CDH13: variants seen among roughly 807,000 people sequenced by gnomAD.
CDH13 encodes the protein cadherin 13.
A neutral mutation model predicts 63.8 loss-of-function variants in CDH13; 24 were observed. The observed-to-expected ratio is 0.38, with a 90% CI of 0.27 to 0.53. The LOEUF (loss-of-function observed/expected upper bound fraction) is 0.53, where lower values mean the gene tolerates loss of function less well. CDH13 is among the 20% of genes least tolerant of loss of function. The pLI is 0.85. For synonymous variants in CDH13, 503 were observed against 355.3 expected (o/e 1.42, Z -4.67); for missense variants, 1,049 against 903.1 (o/e 1.16, Z -2.07).
At chr16:83,681,653 TCAC>T (rs1456545205) in intron 10 of CDH13, among the ~76,000 whole-genome samples, 1 of 152,036 alleles carries the variant, frequency 6.6e-6, no homozygotes, top group African/African-American at 2.4e-5. Flanking sequence ...CGGGATAACA[TCAC>T]CGACAGGTTG....
intron 1 of CDH13, among the ~76,000 whole-genome samples, chr16:82,838,554 C>T (rs1378197762): frequency 1.3e-5 from 2 of 152,154 alleles, no homozygotes; most frequent in Admixed American, 1.3e-4. Context: ...ATAGTAATAT[C>T]ATGAAGATGC....
At chr16:82,875,756 C>G (rs2040484924) in intron 2 of CDH13, among the ~76,000 whole-genome samples, 1 of 152,108 alleles carries the variant, frequency 6.6e-6, no homozygotes, top group African/African-American at 2.4e-5. Flanking sequence ...ATTCGAGAAA[C>G]TAGCTATTTG....
In CDH13 at chr16:82,858,542, T is replaced by G. The variant is rs771017937; in HGVS notation, c.157+69T>G. 5 of 950,956 alleles carry G rather than the reference T, an allele frequency of 5.3e-6. No individual in the cohort carries two copies. In the Admixed American group the frequency reaches 7.1e-5, roughly 14 times the overall value. The allele number at this position is 950,956 out of a possible 1,614,324, so 58.9% of individuals were successfully genotyped here. A position where few individuals can be genotyped will look rare whatever the true frequency, so the allele number is the denominator to read the frequency against. On this transcript the variant is annotated intron_variant, in intron 2 of 13. Coordinates refer to ENST00000567109, the MANE Select transcript of CDH13 (RefSeq NM_001257.5). Reference sequence around the variant, plus strand: ...TTGAATTTACTAATGTTTATGACTGTGTCTCAGGATGTGGTATTTCCTAAA... The same window carrying G: ...TTGAATTTACTAATGTTTATGACTGGGTCTCAGGATGTGGTATTTCCTAAA...
chr16:83,303,076 G>A lies in CDH13; in HGVS notation c.637-41786G>A, dbSNP rs529918451. On this transcript the variant is annotated intron_variant, in intron 5 of 13. Coordinates refer to ENST00000567109, the MANE Select transcript of CDH13 (RefSeq NM_001257.5). ...AGCAATTGCCCACATGATGGCATCA[G>A]AGAGACAAGGGGCATCTCTTTTATC... 3.9e-5 allele frequency among the ~76,000 whole-genome samples: 6 copies of A among 152,312 alleles called. No individual in the cohort carries two copies. In the South Asian group the frequency reaches 1.2e-3, roughly 32 times the overall value.
chr16:82,914,921 T>C (rs1057143867), intron 2 of CDH13, among the ~76,000 whole-genome samples: 10 of 152,220 alleles, frequency 6.6e-5, no homozygotes, highest in African/African-American at 2.4e-4. Context: ...GGAAGTCTGA[T>C]TTTAATCCTC....
At chr16:83,769,028 C>T (rs1914590395) in intron 11 of CDH13, among the ~76,000 whole-genome samples, 1 of 152,124 alleles carries the variant, frequency 6.6e-6, no homozygotes, top group East Asian at 1.9e-4. Context: ...CACAGGGTCA[C>T]AGAACGAGAA....
chr16:82,921,109 C>T (rs899671722), intron 2 of CDH13, among the ~76,000 whole-genome samples: 1 of 152,110 alleles, frequency 6.6e-6, no homozygotes, highest in Non-Finnish European at 1.5e-5. Flanking sequence ...TTGAGGTGTA[C>T]AATCCTTTTG....
chr16:83,759,936 TAA>T (rs11329988), intron 11 of CDH13, among the ~76,000 whole-genome samples: 2,128 of 133,348 alleles, frequency 0.016, 41 homozygotes, highest in African/African-American at 0.052. Context: ...TCAAAACCAA[TAA>T]AAAAAAAAAA....
chr16:82,806,816 C>G (rs978453103), intron 1 of CDH13, among the ~76,000 whole-genome samples: 13 of 152,012 alleles, frequency 8.6e-5, no homozygotes, highest in African/African-American at 3.1e-4. Flanking sequence ...CACAGAGAAA[C>G]AAGGCTTTCA....
intron 3 of CDH13, among the ~76,000 whole-genome samples, chr16:83,104,884 C>A (rs1442104363): frequency 6.6e-6 from 1 of 152,142 alleles, no homozygotes; most frequent in African/African-American, 2.4e-5. Context: ...CCAAATCGAT[C>A]GAGTTCTGGC....
chr16:83,103,086 G>A (rs2034578681), intron 3 of CDH13, among the ~76,000 whole-genome samples: 4 of 150,428 alleles, frequency 2.7e-5, no homozygotes, highest in South Asian at 4.2e-4. Context: ...CGAAGTAGCT[G>A]GGATTACAGG....
chr16:82,876,983 C>T (rs775520132), intron 2 of CDH13, among the ~76,000 whole-genome samples: 31 of 152,162 alleles, frequency 2.0e-4, no homozygotes, highest in Non-Finnish European at 2.8e-4. Context: ...ATATACTATA[C>T]AGTAAATACA....
chr16:82,846,316 C>T (rs1339856245), intron 1 of CDH13, among the ~76,000 whole-genome samples: 1 of 151,816 alleles, frequency 6.6e-6, no homozygotes, highest in African/African-American at 2.4e-5. Context: ...TATACATACC[C>T]TCTATATTAA....
intron 2 of CDH13, among the ~76,000 whole-genome samples, chr16:82,929,604 G>A (rs1038576530): frequency 5.4e-5 from 7 of 128,658 alleles, no homozygotes; most frequent in African/African-American, 1.2e-4. Flanking sequence ...GTGAGCAAAC[G>A]TCACGCCACT....
intron 7 of CDH13, among the ~76,000 whole-genome samples, chr16:83,553,047 G>C (rs4558402): frequency 1 from 150,734 of 150,892 alleles, 75,288 homozygotes; most frequent in Middle Eastern, 1. Context: ...TCACTGCACC[G>C]TAGCCTGGGC....
At chr16:83,099,779 G>C (rs996359167) in intron 3 of CDH13, among the ~76,000 whole-genome samples, 4 of 151,924 alleles carry the variant, frequency 2.6e-5, no homozygotes, top group African/African-American at 9.7e-5. Flanking sequence ...AAACCAAAAG[G>C]CTGTTTTGAG....
chr16:83,355,649 C>G (rs2091037019), intron 6 of CDH13, among the ~76,000 whole-genome samples: 1 of 152,058 alleles, frequency 6.6e-6, no homozygotes, highest in Non-Finnish European at 1.5e-5. Context: ...CTGCCGTATA[C>G]CAGGTATGCT....
At chr16:83,684,659 G>T (rs1441707467) in intron 10 of CDH13, among the ~76,000 whole-genome samples, 1 of 152,192 alleles carries the variant, frequency 6.6e-6, no homozygotes, top group Non-Finnish European at 1.5e-5. Flanking sequence ...CCACAGCAGA[G>T]ACTTCTGCCT....
intron 2 of CDH13, among the ~76,000 whole-genome samples, chr16:82,910,266 A>C (rs1486577926): frequency 6.6e-6 from 1 of 152,166 alleles, no homozygotes; most frequent in Non-Finnish European, 1.5e-5. Context: ...TACATAATCC[A>C]GCCTATTCTG....
Sources: gnomAD v4.1 joint callset for allele counts (sites outside exome capture counted in the v4.1 genomes callset) on GRCh38, gnomAD v4.1.1 for gene constraint, MANE v1.5 for transcripts, NCBI Gene and HGNC (gene_info 2026-07-23, HGNC 2026-07-21) for gene names.